Variants in MAP2 observed in about 807,000 individuals in gnomAD.
The protein encoded by MAP2 is microtubule associated protein 2, also known as microtubule-associated protein 2.
MAP2 carries 14 observed loss-of-function variants against 137.6 expected under a neutral mutation model. That is an observed-to-expected ratio of 0.10 (90% CI 0.07 to 0.16). The LOEUF is 0.16. Ranked by LOEUF, MAP2 falls within the 10% of genes least tolerant of loss-of-function variation. The pLI is 1.00. For synonymous variants in MAP2, 786 were observed against 782.3 expected, an observed-to-expected ratio of 1.00 and a Z score of -0.08; for missense variants, 2,088 against 2,191.5, an observed-to-expected ratio of 0.95 and a Z score of 0.94.
At chr2:209,565,809 C>G (rs952921151) in intron 2 of MAP2, among the ~76,000 whole-genome samples, 3 of 152,176 alleles carry the variant, frequency 2.0e-5, no homozygotes, top group Admixed American at 6.5e-5. Context: ...AATATTAACT[C>G]TTAATACAAA....
intron 3 of MAP2, among the ~76,000 whole-genome samples, chr2:209,594,936 G>C (rs527490225): frequency 6.6e-6 from 1 of 152,138 alleles, no homozygotes; most frequent in Non-Finnish European, 1.5e-5. Flanking sequence ...AGAGTAACAA[G>C]TAAATGAAGA....
At chr2:209,648,482 A>G (rs1323471885) in intron 4 of MAP2, among the ~76,000 whole-genome samples, 3 of 152,124 alleles carry the variant, frequency 2.0e-5, no homozygotes, top group Non-Finnish European at 4.4e-5. Flanking sequence ...CTAAAAAGTA[A>G]GATTCCCATT....
chr2:209,554,873 T>TTA (rs1051763268), intron 2 of MAP2, among the ~76,000 whole-genome samples: 10 of 148,276 alleles, frequency 6.7e-5, no homozygotes, highest in Middle Eastern at 7.1e-3. Flanking sequence ...CTGATAAATA[T>TTA]TATATATATA....
At chr2:209,510,736 G>A (rs1283338878) in intron 2 of MAP2, among the ~76,000 whole-genome samples, 1 of 152,002 alleles carries the variant, frequency 6.6e-6, no homozygotes, top group Non-Finnish European at 1.5e-5. Flanking sequence ...AATCTAAACA[G>A]CATAACTTGT....
At chr2:209,571,905 G>C (rs1026941018) in intron 2 of MAP2, among the ~76,000 whole-genome samples, 1 of 151,658 alleles carries the variant, frequency 6.6e-6, no homozygotes, top group Non-Finnish European at 1.5e-5. Context: ...CATCCCATTG[G>C]CTTTACCTTG....
At chr2:209,698,449 G>T (rs1183776479) in intron 10 of MAP2, among the ~76,000 whole-genome samples, 1 of 152,148 alleles carries the variant, frequency 6.6e-6, no homozygotes, top group Non-Finnish European at 1.5e-5. Flanking sequence ...CATCATCAAT[G>T]CCTCTATATA....
intron 11 of MAP2, among the ~76,000 whole-genome samples, chr2:209,705,028 A>G (rs1026433451): frequency 6.6e-6 from 1 of 151,900 alleles, no homozygotes; most frequent in Non-Finnish European, 1.5e-5. Flanking sequence ...GTTTAATACT[A>G]TCTCTGACAC....
chr2:209,588,409 A>G (rs372549035), intron 3 of MAP2, among the ~76,000 whole-genome samples: 1 of 152,158 alleles, frequency 6.6e-6, no homozygotes, highest in East Asian at 1.9e-4. Context: ...CCTGGTGTTA[A>G]TGACTACATT....
chr2:209,666,138 C>T (rs2046204883), intron 5 of MAP2, among the ~76,000 whole-genome samples: 1 of 152,132 alleles, frequency 6.6e-6, no homozygotes, highest in South Asian at 2.1e-4. Flanking sequence ...GAATTTGTGA[C>T]TAAAGCATTA....
intron 13 of MAP2, among the ~76,000 whole-genome samples, chr2:209,720,878 C>T (rs1467166809): frequency 1.3e-5 from 2 of 151,594 alleles, no homozygotes; most frequent in African/African-American, 4.8e-5. Flanking sequence ...AAAATCCCTT[C>T]CCAAAGAAAT....
At chr2:209,429,565 C>G (rs1460417276) in intron 1 of MAP2, among the ~76,000 whole-genome samples, 2 of 152,058 alleles carry the variant, frequency 1.3e-5, no homozygotes, top group Admixed American at 6.6e-5. Context: ...TTACATTTCT[C>G]TGTATAGCAT....
intron 2 of MAP2, among the ~76,000 whole-genome samples, chr2:209,521,728 C>A (rs2063316845): frequency 6.6e-6 from 1 of 151,916 alleles, no homozygotes; most frequent in Non-Finnish European, 1.5e-5. Context: ...GCTGATATAC[C>A]AGGAGATTGG....
chr2:209,690,516 G>T (rs1334586645), intron 7 of MAP2: 2 of 1,051,214 alleles, frequency 1.9e-6, no homozygotes, highest in Non-Finnish European at 2.5e-6. Context: ...TCATTCTAAT[G>T]GAGCTGAAAG....
chr2:209,464,475 T>C (rs1703639588), intron 1 of MAP2, among the ~76,000 whole-genome samples: 1 of 152,110 alleles, frequency 6.6e-6, no homozygotes, highest in African/African-American at 2.4e-5. Flanking sequence ...TGTAACATTA[T>C]TAGGCAATGT....
chr2:209,623,788 G>A (rs1040746059), intron 3 of MAP2, among the ~76,000 whole-genome samples: 7 of 152,068 alleles, frequency 4.6e-5, no homozygotes, highest in Admixed American at 3.3e-4. Flanking sequence ...AGATTTGGAC[G>A]GTCAGACCTT....
chr2:209,442,352 TA>T (rs1295351764), intron 1 of MAP2, among the ~76,000 whole-genome samples: 1 of 151,588 alleles, frequency 6.6e-6, no homozygotes, highest in Non-Finnish European at 1.5e-5. Flanking sequence ...TTGGGGGGTC[TA>T]GGGGCCCCCA....
At chr2:209,530,517 A>T (rs1463425375) in intron 2 of MAP2, among the ~76,000 whole-genome samples, 1 of 152,162 alleles carries the variant, frequency 6.6e-6, no homozygotes, top group Non-Finnish European at 1.5e-5. Flanking sequence ...CAGTTACATG[A>T]TTATAGGACA....
chr2:209,677,867 G>A (rs1271669508), intron 5 of MAP2, among the ~76,000 whole-genome samples: 1 of 151,836 alleles, frequency 6.6e-6, no homozygotes, highest in Non-Finnish European at 1.5e-5. Context: ...GAGACCATCT[G>A]ACATATCATT....
chr2:209,515,222 ATCT>A (rs2062310498), intron 2 of MAP2, among the ~76,000 whole-genome samples: 1 of 151,990 alleles, frequency 6.6e-6, no homozygotes. Context: ...ATCTGTGTCT[ATCT>A]TCTTTCTCTC....
Sources: gnomAD v4.1 joint callset for allele counts (sites outside exome capture counted in the v4.1 genomes callset) on GRCh38, gnomAD v4.1.1 for gene constraint, MANE v1.5 for transcripts, NCBI Gene and HGNC (gene_info 2026-07-23, HGNC 2026-07-21) for gene names.